The following STIM2 variants were observed in gnomAD, a reference collection of about 807,000 sequenced individuals.
STIM2 encodes the protein stromal interaction molecule 2.
In STIM2, 31 loss-of-function variants were observed where a neutral mutation model predicts 85.8. The observed-to-expected ratio is 0.36, with a 90% CI of 0.27 to 0.49. The LOEUF is 0.49. Ranked by LOEUF, STIM2 falls within the 20% of genes least tolerant of loss-of-function variation. The pLI is 0.98. For missense variants in STIM2, 841 were observed against 927.6 expected (o/e 0.91, Z 1.21); for synonymous variants, 356 against 331.1 (o/e 1.08, Z -0.82).
intron 2 of STIM2, among the ~76,000 whole-genome samples, chr4:26,934,948 AC>A (rs1268631931): frequency 1.3e-5 from 2 of 151,048 alleles, no homozygotes; most frequent in Non-Finnish European, 3.0e-5. Flanking sequence ...AACAAAGTTC[AC>A]TTATTTATAC....
intron 3 of STIM2, among the ~76,000 whole-genome samples, chr4:26,962,151 T>C (rs923562375): frequency 6.6e-6 from 1 of 152,194 alleles, no homozygotes; most frequent in Non-Finnish European, 1.5e-5. Context: ...AAATTCTGGC[T>C]CTTCTATTTA....
chr4:26,914,065 G>T (rs1029112857), intron 1 of STIM2, among the ~76,000 whole-genome samples: 3 of 152,206 alleles, frequency 2.0e-5, no homozygotes, highest in African/African-American at 7.2e-5. Context: ...GGAAGAAAGA[G>T]CTTTGCCAAT....
intron 3 of STIM2, among the ~76,000 whole-genome samples, chr4:26,994,538 A>G (rs1398994299): frequency 6.6e-6 from 1 of 152,072 alleles, no homozygotes; most frequent in East Asian, 1.9e-4. Flanking sequence ...TCATGATAAG[A>G]CTGGACCATT....
At chr4:26,925,650 TC>T in intron 2 of STIM2, among the ~76,000 whole-genome samples, 1 of 69,444 alleles carries the variant, frequency 1.4e-5, no homozygotes, top group Non-Finnish European at 2.4e-5. Flanking sequence ...CCGCTCCTAT[TC>T]AACATAGTGT....
chr4:26,871,536 A>C (rs1722610752), intron 1 of STIM2, among the ~76,000 whole-genome samples: 1 of 152,138 alleles, frequency 6.6e-6, no homozygotes, highest in Non-Finnish European at 1.5e-5. Context: ...GTCCTTTTTA[A>C]AATTAAACTT....
At position 26,861,199 on chromosome 4, in the gene STIM2, G is replaced by C; in HGVS notation, c.-20G>C. 1 of 1,447,506 alleles carries C rather than the reference G, an allele frequency of 6.9e-7. No individual in the cohort carries two copies. Among genetic ancestry groups the C allele is most frequent in the South Asian group, 1.4e-5 (1 of 73,838 alleles). 89.7% of individuals were successfully genotyped at this position (1,447,506 alleles called of 1,614,324 possible). A position where few individuals can be genotyped will look rare whatever the true frequency, so the allele number is the denominator to read the frequency against. On this transcript the variant is annotated 5_prime_UTR_variant, in exon 1 of 12. Transcript: ENST00000467087. ...GGCCCAGCGTGGGGCTGGCTGCTGC[G>C]GCGGCGGCGCTGGGCTGCGTTGCTG...
At chr4:26,944,802 T>C (rs1725752945) in intron 2 of STIM2, among the ~76,000 whole-genome samples, 1 of 152,234 alleles carries the variant, frequency 6.6e-6, no homozygotes, top group Admixed American at 6.5e-5. Context: ...ATCTGTTAAC[T>C]CTATGCGTAT....
intron 1 of STIM2, chr4:26,874,047 T>G (rs2109030885): frequency 1.5e-6 from 1 of 672,596 alleles, no homozygotes; most frequent in African/African-American, 1.8e-5. Flanking sequence ...TCAGGACTCC[T>G]GGATTCTCTG....
At chr4:26,944,541 G>GT in intron 2 of STIM2, among the ~76,000 whole-genome samples, 2 of 152,206 alleles carry the variant, frequency 1.3e-5, no homozygotes, top group African/African-American at 4.8e-5. Flanking sequence ...CATTCATGGT[G>GT]TTTTATCTCA....
chr4:26,977,751 A>G (rs1727248904), intron 3 of STIM2, among the ~76,000 whole-genome samples: 1 of 152,110 alleles, frequency 6.6e-6, no homozygotes, highest in African/African-American at 2.4e-5. Context: ...CTGAAGTCTC[A>G]TGGGGGAGGT....
chr4:26,947,461 C>T (rs926584202), intron 2 of STIM2, among the ~76,000 whole-genome samples: 3 of 151,642 alleles, frequency 2.0e-5, no homozygotes, highest in African/African-American at 7.3e-5. Flanking sequence ...CTCATAATAC[C>T]AGTGTGGGTG....
At chr4:26,974,078 A>G (rs1302784986) in intron 3 of STIM2, among the ~76,000 whole-genome samples, 1 of 151,850 alleles carries the variant, frequency 6.6e-6, no homozygotes, top group Admixed American at 6.6e-5. Flanking sequence ...TTTGCTTTCC[A>G]TTTGCTCAGT....
Position 27,008,999 on chromosome 4 carries a change from C to CAA in STIM2, c.1486_1487insAA (p.Pro496GlnfsTer12), listed in dbSNP as rs1210329066. The CAA allele has an allele frequency of 6.2e-7, 1 of 1,608,816 alleles. No individual in the cohort carries two copies. The highest frequency in any genetic ancestry group is 8.5e-7 in the Non-Finnish European group (1 of 1,177,232). On this transcript the variant is annotated frameshift_variant, in exon 10 of 12. Coordinates refer to ENST00000467087, the MANE Select transcript of STIM2 (RefSeq NM_020860.4). LOFTEE classifies it high-confidence loss of function. ...CACACCCCCAATAGTGTCACAATTT[C>CAA]CCGGTAAGTGGCAATTTCAACAAAA...
intron 3 of STIM2, among the ~76,000 whole-genome samples, chr4:26,979,233 A>G (rs1301743987): frequency 6.6e-6 from 1 of 152,192 alleles, no homozygotes; most frequent in Non-Finnish European, 1.5e-5. Flanking sequence ...TAAAGATGAA[A>G]CATAGGTATT....
chr4:26,900,955 A>G (rs1019124061), intron 1 of STIM2, among the ~76,000 whole-genome samples: 3 of 152,094 alleles, frequency 2.0e-5, no homozygotes, highest in Non-Finnish European at 4.4e-5. Flanking sequence ...TTTTCTCCCC[A>G]CACCCTTCAA....
chr4:26,894,883 A>T (rs1723637934), intron 1 of STIM2, among the ~76,000 whole-genome samples: 1 of 152,204 alleles, frequency 6.6e-6, no homozygotes, highest in South Asian at 2.1e-4. Context: ...CAGTTGACAT[A>T]CTTATAACAT....
At chr4:26,866,088 A>G (rs1722399426) in intron 1 of STIM2, among the ~76,000 whole-genome samples, 2 of 151,798 alleles carry the variant, frequency 1.3e-5, no homozygotes, top group South Asian at 4.1e-4. Context: ...TTATTGCATG[A>G]TATTGAGATT....
rs763776616 is a variant in STIM2 at position 27,017,936 on chromosome 4, G to T, written c.1715G>T (p.Arg572Leu). ...GTGTCAAGTTGCCCTGCGCTTTATCGAAATGAAGAGGAGGAAGAGGCCATT... is the reference window on the plus strand; with the variant it reads ...GTGTCAAGTTGCCCTGCGCTTTATCTAAATGAAGAGGAGGAAGAGGCCATT... Residue 572 changes from arginine to leucine, a missense_variant, in exon 11 of 12, where the codon CGA becomes CTA. By Grantham distance (102) the Arg-to-Leu change is moderately radical. Around this residue, in one of 3 missense-constraint regions of STIM2, gnomAD observed 293 missense variants for 284.5 expected, o/e 1.03. Transcript: ENST00000467087. The T allele has an allele frequency of 2.1e-5, 34 of 1,613,902 alleles. No homozygotes were observed. Among genetic ancestry groups the T allele is most frequent in the Non-Finnish European group, 2.7e-5 (32 of 1,180,026 alleles).
intron 3 of STIM2, among the ~76,000 whole-genome samples, chr4:26,977,592 A>G (rs1727245174): frequency 1.3e-5 from 2 of 152,126 alleles, no homozygotes; most frequent in African/African-American, 4.8e-5. Flanking sequence ...TTCATGATAT[A>G]TTTTGAGGAA....
Sources: gnomAD v4.1 joint callset for allele counts (sites outside exome capture counted in the v4.1 genomes callset) on GRCh38, gnomAD v4.1.1 for gene constraint, gnomAD v4.1.1 regional missense constraint, MANE v1.5 for transcripts, NCBI Gene and HGNC (gene_info 2026-07-23, HGNC 2026-07-21) for gene names.